ETV5: variants seen among roughly 807,000 people sequenced by gnomAD.
ETV5 encodes ETS translocation variant 5.
In ETV5, 10 loss-of-function variants were observed where a neutral mutation model predicts 70.0. The ratio of observed to expected loss-of-function variants is 0.14; its 90% CI spans 0.09 to 0.24. The LOEUF (loss-of-function observed/expected upper bound fraction) is 0.24. Ranked by LOEUF, ETV5 falls within the 10% of genes least tolerant of loss-of-function variation. The probability of loss-of-function intolerance (pLI) is 1.00; values close to 1 mark genes in which losing one functional copy is unlikely to be tolerated. For missense variants in ETV5, 453 were observed against 651.2 expected, an observed-to-expected ratio of 0.70 and a Z score of 3.31; for synonymous variants, 216 against 242.2, an observed-to-expected ratio of 0.89 and a Z score of 1.01.
At chr3:186,087,873 T>C (rs921070954) in intron 5 of ETV5, among the ~76,000 whole-genome samples, 1 of 152,210 alleles carries the variant, frequency 6.6e-6, no homozygotes, top group Admixed American at 6.5e-5. Context: ...AAACCCATCT[T>C]GTCTAATAAG....
Position 186,064,591 on chromosome 3 carries a change from T to C in ETV5, c.911-115A>G, listed in dbSNP as rs1713391078. On this transcript the variant is annotated intron_variant, in intron 8 of 12. Transcript: ENST00000306376. ...CCCTAAACTTCCTGCTCTGGGGTCA[T>C]GTCTTTCTGGCTTTGTCCTGGGAAA... is the stretch of plus-strand genomic sequence containing the variant. The C allele has an allele frequency of 2.1e-5, 21 of 1,019,302 alleles. No individual in the cohort carries two copies. In the South Asian group the frequency reaches 2.3e-4, roughly 11 times the overall value. 63.1% of individuals were successfully genotyped at this position (1,019,302 alleles called of 1,614,324 possible).
chr3:186,091,402 A>G (rs906428338), intron 5 of ETV5, among the ~76,000 whole-genome samples: 2 of 152,230 alleles, frequency 1.3e-5, no homozygotes, highest in Non-Finnish European at 2.9e-5. Flanking sequence ...CCTTGGTGGT[A>G]TATTTCAGGG....
Position 186,048,491 on chromosome 3 carries a change from T to C in ETV5, c.*148A>G, listed in dbSNP as rs1320953492. On this transcript the variant is annotated 3_prime_UTR_variant, in exon 13 of 13. Coordinates refer to ENST00000306376, the MANE Select transcript of ETV5 (RefSeq NM_004454.3). ...CAGCCAATGTATCTGTCTTTAAGGG[T>C]GCCAATCCAGAGACAGCTTGGGTTC... The C allele has an allele frequency of 5.7e-6, 4 of 702,190 alleles. No homozygotes were observed. The East Asian group carries it at 1.1e-4, about 19-fold the overall frequency. The allele number at this position is 702,190 out of a possible 1,614,324, so 43.5% of individuals were successfully genotyped here.
At chr3:186,063,098 G>A (rs537681401) in intron 9 of ETV5, among the ~76,000 whole-genome samples, 2 of 152,084 alleles carry the variant, frequency 1.3e-5, no homozygotes, top group South Asian at 2.1e-4. Flanking sequence ...AGTGAAACCC[G>A]TCTCTACTAA....
At chr3:186,075,746 C>T (rs1322304280) in intron 7 of ETV5, among the ~76,000 whole-genome samples, 6 of 152,210 alleles carry the variant, frequency 3.9e-5, no homozygotes, top group Non-Finnish European at 4.4e-5. Flanking sequence ...TACTGATGCC[C>T]TTAGGGGCTA....
chr3:186,068,215 T>G (rs1329903533), intron 7 of ETV5, among the ~76,000 whole-genome samples: 7 of 152,154 alleles, frequency 4.6e-5, no homozygotes, highest in Non-Finnish European at 8.8e-5. Context: ...TATGATACAG[T>G]CATTTGGTTG....
chr3:186,080,414 G>C lies in ETV5; in HGVS notation c.363-310C>G, dbSNP rs1713905545. ...ATGCCTGTGTAGGGTGGGTGGGTGA[G>C]GGGAGAATGTATGTTTGCCAGGTGT... On this transcript the variant is annotated intron_variant, in intron 6 of 12. Transcript: ENST00000306376. 2 of 245,678 alleles carry C rather than the reference G, an allele frequency of 8.1e-6. 1 individual carries two copies. Among genetic ancestry groups the C allele is most frequent in the South Asian group, 3.4e-4 (2 of 5,842 alleles). The allele number at this position is 245,678 out of a possible 1,614,324, so 15.2% of individuals were successfully genotyped here.
At chr3:186,096,240 C>T (rs1370778680) in intron 5 of ETV5, among the ~76,000 whole-genome samples, 1 of 152,066 alleles carries the variant, frequency 6.6e-6, no homozygotes, top group Admixed American at 6.5e-5. Context: ...AAAGTTATCC[C>T]CCCTCAATTA....
chr3:186,101,201 C>G (rs1714449150), intron 5 of ETV5, among the ~76,000 whole-genome samples: 1 of 152,218 alleles, frequency 6.6e-6, no homozygotes, highest in African/African-American at 2.4e-5. Flanking sequence ...TGCACAAACA[C>G]TTTTTCATAT....
chr3:186,050,821 C>T (rs1024293856), intron 12 of ETV5, among the ~76,000 whole-genome samples: 3 of 152,056 alleles, frequency 2.0e-5, no homozygotes, highest in Admixed American at 6.6e-5. Context: ...GCAAAGGGGA[C>T]CACCTAACCC....
chr3:186,051,564 G>C (rs957393641), intron 12 of ETV5, among the ~76,000 whole-genome samples: 1 of 152,200 alleles, frequency 6.6e-6, no homozygotes, highest in Non-Finnish European at 1.5e-5. Context: ...GTTTCTGTAA[G>C]TCTGAAAGAA....
At chr3:186,108,387 T>G in intron 1 of ETV5, 1 of 686,166 alleles carries the variant, frequency 1.5e-6, no homozygotes, top group South Asian at 1.4e-5. Flanking sequence ...ATGTCCACTT[T>G]CCACCACCTG....
chr3:186,108,755 C>T (rs1265370640), intron 1 of ETV5, 185 bp downstream of exon 1: 2 of 910,370 alleles, frequency 2.2e-6, no homozygotes, highest in Admixed American at 4.4e-5. Context: ...CGACGCCTCC[C>T]AGGAACCAAA....
chr3:186,061,138 A>G (rs1713294805), intron 9 of ETV5, among the ~76,000 whole-genome samples: 1 of 152,188 alleles, frequency 6.6e-6, no homozygotes, highest in African/African-American at 2.4e-5. Flanking sequence ...CACTTATAAA[A>G]GCCACCCAAT....
chr3:186,071,861 G>T (rs777747834), intron 7 of ETV5, among the ~76,000 whole-genome samples: 1 of 151,554 alleles, frequency 6.6e-6, no homozygotes, highest in Non-Finnish European at 1.5e-5. Flanking sequence ...TCAGTGGCGC[G>T]ATCTCGGCTC....
At chr3:186,076,127 T>G (rs1339225741) in intron 7 of ETV5, among the ~76,000 whole-genome samples, 1 of 152,230 alleles carries the variant, frequency 6.6e-6, no homozygotes, top group Non-Finnish European at 1.5e-5. Context: ...GGCACATGTC[T>G]GAACATGTCA....
chr3:186,098,206 G>A (rs1363606052), intron 5 of ETV5, among the ~76,000 whole-genome samples: 5 of 152,242 alleles, frequency 3.3e-5, no homozygotes, highest in Admixed American at 1.3e-4. Flanking sequence ...GGCAAAACGG[G>A]AAAGGCAAAA....
At chr3:186,090,178 C>G (rs899071664) in intron 5 of ETV5, among the ~76,000 whole-genome samples, 1 of 152,188 alleles carries the variant, frequency 6.6e-6, no homozygotes, top group African/African-American at 2.4e-5. Flanking sequence ...CAAAACCATA[C>G]GTCGACAAAT....
At chr3:186,055,306 A>C (rs1713130545) in intron 11 of ETV5, among the ~76,000 whole-genome samples, 2 of 152,232 alleles carry the variant, frequency 1.3e-5, no homozygotes, top group Admixed American at 1.3e-4. Flanking sequence ...AGCCTCAGTG[A>C]ACCTAGGTGA....
Sources: allele counts gnomAD v4.1 joint callset (sites outside exome capture counted in the v4.1 genomes callset), GRCh38; gene constraint gnomAD v4.1.1; transcripts MANE v1.5; gene names NCBI Gene and HGNC (gene_info 2026-07-23, HGNC 2026-07-21).